Variants in PTPRH observed in about 807,000 individuals in gnomAD.
PTPRH encodes receptor-type tyrosine-protein phosphatase H.
Under a neutral mutation model 130.2 loss-of-function variants are expected in PTPRH, and 113 were observed. That is an observed-to-expected ratio of 0.87 (90% CI 0.75 to 1.01). PTPRH has a LOEUF of 1.01. Among genes scored for constraint, PTPRH ranks in the 50% least tolerant of loss-of-function variants. PTPRH has a pLI of 0.00. For missense variants in PTPRH, 1,430 were observed against 1,425.0 expected (o/e 1.00, Z -0.06); for synonymous variants, 556 against 577.9 (o/e 0.96, Z 0.54).
At position 55,181,854 on chromosome 19, in the gene PTPRH, G is replaced by T; in HGVS notation, c.3248C>A (p.Ser1083Ter). Residue 1083 changes from serine to a stop codon, truncating the protein, a stop_gained, in exon 20 of 20, where the codon TCA (serine) becomes TAA (stop). Transcript: ENST00000376350. LOFTEE classifies it low-confidence loss of function (END_TRUNC). Reference sequence around the variant, plus strand: ...TTCCTTCTCGGCTGGGGCCTGGGCTGACTGTTGGAGGAACCGCAGGATGCA... The same window carrying T: ...TTCCTTCTCGGCTGGGGCCTGGGCTTACTGTTGGAGGAACCGCAGGATGCA... ...HQCILRFLQQSAQAPAEKEVP... is the reference protein window; with the variant it reads ...HQCILRFLQQ 6.2e-7 allele frequency: 1 copy of T among 1,614,196 alleles called. No homozygotes were observed.
chr19:55,198,093 T>G (rs886122050), intron 8 of PTPRH, among the ~76,000 whole-genome samples: 3 of 152,158 alleles, frequency 2.0e-5, no homozygotes, highest in Non-Finnish European at 4.4e-5. Flanking sequence ...GGCGCATGTT[T>G]GTGGTCCCAG....
chr19:55,202,942 G>A (rs1447635427), intron 5 of PTPRH, among the ~76,000 whole-genome samples: 1 of 151,966 alleles, frequency 6.6e-6, no homozygotes, highest in Non-Finnish European at 1.5e-5. Flanking sequence ...AGGAGGCTGA[G>A]GCAGGAGAAT....
chr19:55,182,863 C>T lies in PTPRH; in HGVS notation c.3063-712G>A, dbSNP rs544373918. Among the ~76,000 whole-genome samples, 463 of 152,058 alleles carry T rather than the reference C, an allele frequency of 3.0e-3. 2 individuals are homozygous for T. The highest frequency in any genetic ancestry group is 0.01 in the African/African-American group (422 of 41,518). On this transcript the variant is annotated intron_variant, in intron 18 of 19. Coordinates refer to ENST00000376350, the MANE Select transcript of PTPRH (RefSeq NM_002842.5). ...AGGCTGAAGTGCAGTGGCATGATCT[C>T]GGCTCACTGCACCCTTGACCTCCTG...
Position 55,209,365 on chromosome 19 carries a change from TGGGCGG to T in PTPRH, c.51+12_51+17del. The T allele has an allele frequency of 6.4e-7, 1 of 1,559,454 alleles. No individual in the cohort carries two copies. The highest frequency in any genetic ancestry group is 8.7e-7 in the Non-Finnish European group (1 of 1,151,054). Reference sequence around the variant, plus strand: ...GAGTCCCTGCCTTGGGAGCCCGCTCTGGGCGGGGAGCACTTACCAGCAGCACCAGGT... The same window carrying T: ...GAGTCCCTGCCTTGGGAGCCCGCTCTGGAGCACTTACCAGCAGCACCAGGT... On this transcript the variant is annotated intron_variant, in intron 1 of 19. Transcript: ENST00000376350. This position sits in a 1 kb window ranked among gnomAD's most constrained non-coding sequence, Gnocchi z 4.1.
chr19:55,197,046 T>C, intron 9 of PTPRH, 71 bp downstream of exon 9: 3 of 1,546,314 alleles, frequency 1.9e-6, no homozygotes, highest in Non-Finnish European at 2.6e-6. Flanking sequence ...TGTATTCCAT[T>C]CATCTCTCAG....
chr19:55,189,475 G>A (rs2086459815), intron 12 of PTPRH, among the ~76,000 whole-genome samples: 1 of 152,068 alleles, frequency 6.6e-6, no homozygotes, highest in African/African-American at 2.4e-5. Flanking sequence ...ACTTCCCACT[G>A]CCCTCCCCTT....
chr19:55,197,013 A>G, intron 9 of PTPRH, 104 bp downstream of exon 9: 2 of 1,428,380 alleles, frequency 1.4e-6, no homozygotes, highest in Non-Finnish European at 1.9e-6. Context: ...TCATGAAGTC[A>G]TGGCCTGTGG....
In PTPRH at chr19:55,198,803, G is replaced by A. The variant is rs746066416; in HGVS notation, c.1530C>T (p.Val510=). The A allele has an allele frequency of 1.9e-6, 3 of 1,612,250 alleles. No homozygotes were observed. In the South Asian group the frequency reaches 3.3e-5, roughly 18 times the overall value. ...CAGTCATGCCTTCCCTGACCCATGA[G>A]ACCCAGTAGCTGTAGGAAGACTGGC... is the stretch of plus-strand genomic sequence containing the variant. ...GPGQSSYSYW[V]SWVREGMTDP... The change falls in exon 8 of 20, where the codon GTC becomes GTT. Residue 510 remains valine (V), a synonymous_variant. Transcript: ENST00000376350.
Position 55,203,908 on chromosome 19 carries a change from T to A in PTPRH, c.760A>T (p.Thr254Ser). 1 of 1,614,070 alleles carries A rather than the reference T, an allele frequency of 6.2e-7. No homozygotes were observed. Among genetic ancestry groups the A allele is most frequent in the East Asian group, 2.2e-5 (1 of 44,876 alleles). The change falls in exon 5 of 20, where the codon ACT becomes TCT. Residue 254 changes from threonine (T) to serine (S), a missense_variant. Physicochemically the swap from Thr to Ser is moderately conservative, Grantham distance 58. Transcript: ENST00000376350. ...QCTGDGGRTE[T>S]RNTTDTRVTV... ...ACTCTGGTGTCTGTTGTGTTTCGAG[T>A]CTCTGTTCTGCCACCATCTCCAGTG... is the stretch of plus-strand genomic sequence containing the variant.
Position 55,182,053 on chromosome 19 carries a change from T to C in PTPRH, c.3161A>G (p.Lys1054Arg), listed in dbSNP as rs773063110. 6.2e-7 allele frequency: 1 copy of C among 1,614,154 alleles called. No individual in the cohort carries two copies. ...CATCAACGGCCGACTCTCTCTCATC[T>C]TCCTTACAAAGCTGAAGGGCCCAAG... ...GLLGPFSFVRKMRESRPLMVQ... is the reference protein window; with the variant it reads ...GLLGPFSFVRRMRESRPLMVQ... Residue 1054 changes from lysine (K) to arginine (R), a missense_variant, in exon 19 of 20, where the codon AAG (lysine) becomes AGG (arginine). Lys to Arg is a conservative substitution (Grantham distance 26, BLOSUM62 2). Transcript: ENST00000376350.
intron 10 of PTPRH, among the ~76,000 whole-genome samples, chr19:55,196,050 C>T (rs1465473644): frequency 6.6e-6 from 1 of 152,076 alleles, no homozygotes; most frequent in African/African-American, 2.4e-5. Context: ...ATGATGGTTG[C>T]ACAATGTTGT....
chr19:55,185,982 C>T lies in PTPRH; in HGVS notation c.2781G>A (p.Val927=). The change falls in exon 17 of 20, where the codon GTG becomes GTA. Residue 927 remains valine, a splice_region_variant and synonymous_variant. Transcript: ENST00000376350. Reference sequence around the variant, plus strand: ...CCAGAGGCCAGTAATGCTCACACTTCACCTGGGGGAGGAGGAGGGGTCAGA... The same window carrying T: ...CCAGAGGCCAGTAATGCTCACACTTTACCTGGGGGAGGAGGAGGGGTCAGA... ...MLTNCMEAGR[V]KCEHYWPLDS... 1 of 1,613,916 alleles carries T rather than the reference C, an allele frequency of 6.2e-7. No homozygotes were observed. The highest frequency in any genetic ancestry group is 8.5e-7 in the Non-Finnish European group (1 of 1,179,882).
At chr19:55,195,239 C>T (rs1486148042) in intron 10 of PTPRH, among the ~76,000 whole-genome samples, 2 of 152,128 alleles carry the variant, frequency 1.3e-5, no homozygotes, top group Admixed American at 1.3e-4. Context: ...GCAGGAGAAT[C>T]GCTTGAACCC....
In PTPRH at chr19:55,182,006, A is replaced by T; in HGVS notation, c.3198+10T>A. On this transcript the variant is annotated intron_variant, in intron 19 of 19. Transcript: ENST00000376350. ...GCCTCCCGTCCTGTGTTGCTGAGGG[A>T]CTGCCTCACCTCAGTCTGCACCATC... 1 of 1,613,932 alleles carries T rather than the reference A, an allele frequency of 6.2e-7. No individual in the cohort carries two copies. Among genetic ancestry groups the T allele is most frequent in the East Asian group, 2.2e-5 (1 of 44,870 alleles).
chr19:55,199,779 G>A lies in PTPRH; in HGVS notation c.1420+457C>T, dbSNP rs376817286. On this transcript the variant is annotated intron_variant, in intron 7 of 19. Transcript: ENST00000376350. ...AAAGAGAAAGAGAAAGAAAGAAAGA[G>A]AGAGAGACAGAAAAAAAGAAAGAAA... Among the ~76,000 whole-genome samples the A allele has an allele frequency of 6.4e-3, 933 of 145,940 alleles. 7 individuals carry two copies. The highest frequency in any genetic ancestry group is 0.015 in the Middle Eastern group (4 of 274).
rs747500990 is a variant in PTPRH at position 55,203,919 on chromosome 19, C to A, written c.749G>T (p.Gly250Val). 45 of 1,614,050 alleles carry A rather than the reference C, an allele frequency of 2.8e-5. No homozygotes were observed. In the Admixed American group the frequency reaches 7.5e-4, roughly 27 times the overall value. The change falls in exon 5 of 20, where the codon GGC becomes GTC. Residue 250 changes from glycine (G) to valine (V), a missense_variant. Coordinates refer to ENST00000376350, the MANE Select transcript of PTPRH (RefSeq NM_002842.5). ...TGTTGTGTTTCGAGTCTCTGTTCTG[C>A]CACCATCTCCAGTGCACTGAACGCA... ...TYCVQCTGDG[G>V]RTETRNTTDT...
intron 1 of PTPRH, among the ~76,000 whole-genome samples, chr19:55,208,019 G>A (rs2087124580): frequency 6.9e-5 from 2 of 29,138 alleles, no homozygotes; most frequent in Admixed American, 3.9e-4. Context: ...AGGGGCTGGG[G>A]GTCTCGACCT....
chr19:55,181,474 C>A lies in PTPRH; in HGVS notation c.*280G>T, dbSNP rs549523054. ...CCTGCCTCAGAATCCAGGCCCCAGC[C>A]TGTTTCTTTCTGCATCCTGGAAAGA... On this transcript the variant is annotated 3_prime_UTR_variant, in exon 20 of 20. Transcript: ENST00000376350. 1.8e-5 allele frequency: 7 copies of A among 382,062 alleles called. No individual in the cohort carries two copies. The East Asian group carries it at 2.6e-4, about 14-fold the overall frequency. The allele number at this position is 382,062 out of a possible 1,614,324, so 23.7% of individuals were successfully genotyped here. A position where few individuals can be genotyped will look rare whatever the true frequency, so the allele number is the denominator to read the frequency against.
In PTPRH at chr19:55,194,096, C is replaced by T. The variant is rs562603285; in HGVS notation, c.2258-2355G>A. 749 of 1,197,324 alleles carry T rather than the reference C, an allele frequency of 6.3e-4. 8 individuals are homozygous for T. The South Asian group carries it at 7.7e-3, about 12-fold the overall frequency. The allele number at this position is 1,197,324 out of a possible 1,614,324, so 74.2% of individuals were successfully genotyped here. ...AACTCCCAACCACAGGTGATCCTCC[C>T]GCCTCGGCCTCCCAAAGTGCTGGGA... On this transcript the variant is annotated intron_variant, in intron 10 of 19. Coordinates refer to ENST00000376350, the MANE Select transcript of PTPRH (RefSeq NM_002842.5).
Sources: allele counts gnomAD v4.1 joint callset (sites outside exome capture counted in the v4.1 genomes callset), GRCh38; gene constraint gnomAD v4.1.1; non-coding constraint Gnocchi (gnomAD v3.1); transcripts MANE v1.5; gene names NCBI Gene and HGNC (gene_info 2026-07-23, HGNC 2026-07-21).